The following TFPI variants were observed in gnomAD, a reference collection of about 807,000 sequenced individuals.
The protein encoded by TFPI is tissue factor pathway inhibitor.
Under a neutral mutation model 34.6 loss-of-function variants are expected in TFPI, and 15 were observed. The ratio of observed to expected loss-of-function variants is 0.43; its 90% CI spans 0.29 to 0.67. TFPI has a LOEUF of 0.67. TFPI is among the 30% of genes least tolerant of loss of function. The probability of loss-of-function intolerance (pLI) is 0.15; values close to 1 mark genes in which losing one functional copy is unlikely to be tolerated. For synonymous variants in TFPI, 105 were observed against 120.1 expected, an observed-to-expected ratio of 0.87 and a Z score of 0.82; for missense variants, 301 against 364.0, an observed-to-expected ratio of 0.83 and a Z score of 1.41.
chr2:187,470,817 CAG>C (rs1297462809), intron 6 of TFPI, among the ~76,000 whole-genome samples: 1 of 152,200 alleles, frequency 6.6e-6, no homozygotes, highest in Non-Finnish European at 1.5e-5. Context: ...ACTTCTGAAT[CAG>C]AGGGTGTCTG....
At chr2:187,533,716 T>C (rs1688096808) in intron 1 of TFPI, among the ~76,000 whole-genome samples, 2 of 151,904 alleles carry the variant, frequency 1.3e-5, no homozygotes, top group South Asian at 4.2e-4. Flanking sequence ...GAAGAATGAG[T>C]TTGATGAATT....
intron 1 of TFPI, among the ~76,000 whole-genome samples, chr2:187,551,915 G>A (rs1479699823): frequency 2.0e-5 from 3 of 152,032 alleles, no homozygotes; most frequent in Non-Finnish European, 4.4e-5. Context: ...AAGGATGGCT[G>A]GTTGTAGAAG....
intron 4 of TFPI, among the ~76,000 whole-genome samples, chr2:187,487,599 T>C (rs965921032): frequency 6.6e-6 from 1 of 151,478 alleles, no homozygotes; most frequent in Admixed American, 6.6e-5. Flanking sequence ...GTAAATGCCA[T>C]AACTGACAAT....
At chr2:187,503,936 A>G (rs1028083075) in intron 1 of TFPI, among the ~76,000 whole-genome samples, 166 bp from the exon 2 acceptor site, 1 of 152,156 alleles carries the variant, frequency 6.6e-6, no homozygotes, top group Admixed American at 6.6e-5. Context: ...CTTAAAATGT[A>G]TATGTAGTAT....
intron 2 of TFPI, among the ~76,000 whole-genome samples, chr2:187,501,789 G>A (rs1293234359): frequency 6.6e-6 from 1 of 151,772 alleles, no homozygotes; most frequent in Non-Finnish European, 1.5e-5. Flanking sequence ...TAGCCCAATG[G>A]AATTGTTTTA....
intron 1 of TFPI, among the ~76,000 whole-genome samples, chr2:187,533,099 G>A (rs1388524972): frequency 6.6e-6 from 1 of 152,164 alleles, no homozygotes; most frequent in Non-Finnish European, 1.5e-5. Context: ...CATCTCCCTG[G>A]GACAGAGCAC....
chr2:187,547,110 T>G (rs201659415), intron 1 of TFPI: 2 of 90,774 alleles, frequency 2.2e-5, no homozygotes, highest in Non-Finnish European at 5.3e-5. Context: ...AACTTTCTGC[T>G]TCTGATGATC....
chr2:187,469,069 AAAAC>A (rs1691882441), intron 6 of TFPI, among the ~76,000 whole-genome samples: 1 of 152,038 alleles, frequency 6.6e-6, no homozygotes. Flanking sequence ...GAAAAGAAAT[AAAAC>A]AAAGTGAGAA....
intron 1 of TFPI, among the ~76,000 whole-genome samples, chr2:187,507,993 TG>T (rs1330191311): frequency 1.3e-5 from 2 of 152,184 alleles, no homozygotes; most frequent in African/African-American, 4.8e-5. Flanking sequence ...TTGCATTAGG[TG>T]TAAAGAAGAG....
intron 1 of TFPI, chr2:187,517,777 A>T (rs961220537): frequency 6.6e-6 from 1 of 152,130 alleles, no homozygotes; most frequent in Non-Finnish European, 1.5e-5. Context: ...TCAGAGTCTA[A>T]ATCTCTTTGT....
At chr2:187,522,255 T>A (rs1687418669) in intron 1 of TFPI, among the ~76,000 whole-genome samples, 1 of 152,140 alleles carries the variant, frequency 6.6e-6, no homozygotes, top group Non-Finnish European at 1.5e-5. Flanking sequence ...CTTGTACTTT[T>A]GGTCTCATAT....
chr2:187,495,356 A>T (rs1685402506), intron 3 of TFPI, among the ~76,000 whole-genome samples: 1 of 152,200 alleles, frequency 6.6e-6, no homozygotes, highest in Admixed American at 6.5e-5. Flanking sequence ...ATGATTTTCA[A>T]CTCAACACAA....
chr2:187,484,775 A>G, intron 5 of TFPI, 36 bp downstream of exon 5: 1 of 1,550,568 alleles, frequency 6.4e-7, no homozygotes, highest in South Asian at 1.3e-5. Context: ...AAGGATGCCT[A>G]TAAATGAACT....
chr2:187,550,818 A>C (rs1324934877), intron 1 of TFPI, among the ~76,000 whole-genome samples: 1 of 152,022 alleles, frequency 6.6e-6, no homozygotes, highest in African/African-American at 2.4e-5. Context: ...CATAATAAAC[A>C]CCATTATTCT....
rs1024400425 is a variant in TFPI, at chr2:187,522,604, C to T, written c.-2-18834G>A. Among the ~76,000 whole-genome samples, 61 of 150,842 alleles carry T rather than the reference C, an allele frequency of 4.0e-4. 1 individual carries two copies. The highest frequency in any genetic ancestry group is 1.5e-3 in the African/African-American group (60 of 40,874). On this transcript the variant is annotated intron_variant, in intron 1 of 7. Coordinates refer to ENST00000233156, the MANE Select transcript of TFPI (RefSeq NM_006287.6). ...AGAAAACGAAAACAAAATAAAAAGGCGGGGTGTGGTGGCTCATACCTGTAA... is the reference window on the plus strand; with the variant it reads ...AGAAAACGAAAACAAAATAAAAAGGTGGGGTGTGGTGGCTCATACCTGTAA...
chr2:187,499,980 A>G (rs1046682986), intron 2 of TFPI, among the ~76,000 whole-genome samples: 2 of 152,194 alleles, frequency 1.3e-5, no homozygotes, highest in Non-Finnish European at 2.9e-5. Context: ...TCATAAATCA[A>G]TAATTTTATC....
At chr2:187,546,784 T>C (rs1025695230) in intron 1 of TFPI, 7 of 151,994 alleles carry the variant, frequency 4.6e-5, no homozygotes, top group African/African-American at 1.7e-4. Context: ...AACATCTGTT[T>C]CCTGAAGAGT....
chr2:187,547,596 G>A (rs1015859219), intron 1 of TFPI: 1 of 152,032 alleles, frequency 6.6e-6, no homozygotes, highest in African/African-American at 2.4e-5. Context: ...AGAAGTCCTG[G>A]CAGCTGAGTC....
At chr2:187,474,505 C>T (rs1221269446) in intron 6 of TFPI, among the ~76,000 whole-genome samples, 1 of 152,082 alleles carries the variant, frequency 6.6e-6, no homozygotes, top group African/African-American at 2.4e-5. Context: ...TAAAGAGCCA[C>T]TGAAATTATT....
Sources: allele counts gnomAD v4.1 joint callset (sites outside exome capture counted in the v4.1 genomes callset), GRCh38; gene constraint gnomAD v4.1.1; transcripts MANE v1.5; gene names NCBI Gene and HGNC (gene_info 2026-07-23, HGNC 2026-07-21).